Variants in CDH12 observed in about 807,000 individuals in gnomAD.
CDH12 encodes cadherin 12, also known as cadherin-12.
Under a neutral mutation model 74.1 loss-of-function variants are expected in CDH12, and 41 were observed. The ratio of observed to expected loss-of-function variants is 0.55; its 90% CI spans 0.43 to 0.72. The LOEUF is 0.72. Ranked by LOEUF, CDH12 falls within the 30% of genes least tolerant of loss-of-function variation. The pLI, the probability that CDH12 is intolerant of heterozygous loss-of-function variation, is 0.00. For missense variants in CDH12, 945 were observed against 977.2 expected (o/e 0.97, Z 0.44); for synonymous variants, 399 against 355.0 (o/e 1.12, Z -1.39).
chr5:22,363,585 G>T (rs535185498), intron 3 of CDH12, among the ~76,000 whole-genome samples: 1 of 152,242 alleles, frequency 6.6e-6, no homozygotes, highest in Admixed American at 6.5e-5. Context: ...TATTTAATAA[G>T]TTTTTCTTTC....
In CDH12 at chr5:21,847,837, T is replaced by G. The variant is rs1338199343; in HGVS notation, c.647-5509A>C. 3.3e-5 allele frequency among the ~76,000 whole-genome samples: 5 copies of G among 152,138 alleles called. No homozygotes were observed. In the South Asian group the frequency reaches 1.0e-3, roughly 32 times the overall value. ...TTCTCTAACATTCTCTCCTTAGTCT[T>G]TAAGCTATTGAAAACACTATATATT... On this transcript the variant is annotated intron_variant, in intron 7 of 14. Coordinates refer to ENST00000382254, the MANE Select transcript of CDH12 (RefSeq NM_004061.5).
chr5:22,327,792 T>A (rs1580527858), intron 3 of CDH12, among the ~76,000 whole-genome samples: 1 of 152,332 alleles, frequency 6.6e-6, no homozygotes, highest in East Asian at 1.9e-4. Flanking sequence ...TGACATGCTT[T>A]AAATTTTTAA....
intron 1 of CDH12, among the ~76,000 whole-genome samples, chr5:22,518,292 T>C (rs917675069): frequency 3.3e-5 from 5 of 152,252 alleles, no homozygotes; most frequent in African/African-American, 1.2e-4. Flanking sequence ...AATAATTTTA[T>C]GTGTTTCTCC....
chr5:21,930,801 A>C (rs767203087), intron 6 of CDH12, among the ~76,000 whole-genome samples: 4 of 152,220 alleles, frequency 2.6e-5, no homozygotes, highest in Admixed American at 6.5e-5. Context: ...ACAACTTCGT[A>C]TAATAAGAAC....
At chr5:22,537,587 C>T (rs1456621189) in intron 1 of CDH12, among the ~76,000 whole-genome samples, 2 of 152,266 alleles carry the variant, frequency 1.3e-5, no homozygotes, top group East Asian at 1.9e-4. Flanking sequence ...ATAACCTCCC[C>T]TCTGGCCGGA....
intron 6 of CDH12, among the ~76,000 whole-genome samples, chr5:21,973,828 T>C (rs1411108967): frequency 2.0e-5 from 3 of 152,210 alleles, no homozygotes; most frequent in Non-Finnish European, 4.4e-5. Flanking sequence ...GAATACTTTC[T>C]AACAAGATAT....
chr5:21,881,071 A>G (rs1752330798), intron 6 of CDH12, among the ~76,000 whole-genome samples: 1 of 152,288 alleles, frequency 6.6e-6, no homozygotes, highest in East Asian at 1.9e-4. Flanking sequence ...AGTGACCACT[A>G]TTTTAGCAGC....
chr5:22,687,885 C>G (rs1323888192), intron 1 of CDH12, among the ~76,000 whole-genome samples: 1 of 152,072 alleles, frequency 6.6e-6, no homozygotes, highest in African/African-American at 2.4e-5. Flanking sequence ...ACAGCAAATA[C>G]AGAAGGAGGT....
chr5:21,894,485 G>A (rs189821662), intron 6 of CDH12, among the ~76,000 whole-genome samples: 9 of 151,014 alleles, frequency 6.0e-5, no homozygotes, highest in African/African-American at 2.2e-4. Flanking sequence ...AAGTTATCAC[G>A]AGTATCCAAA....
chr5:22,779,778 C>T (rs1747294416), intron 1 of CDH12, among the ~76,000 whole-genome samples: 1 of 152,134 alleles, frequency 6.6e-6, no homozygotes, highest in Admixed American at 6.6e-5. Context: ...CCTGAGGCCT[C>T]CTCAGCCATG....
In CDH12 at chr5:22,034,963, C is replaced by T. The variant is rs1475145483; in HGVS notation, c.231+43483G>A. The stretch of plus-strand genomic sequence containing the variant: ...AAATCTACAACTTTAGGCAAAATGA[C>T]TTATGGTGAAACTGACTTTCTTCTC... On this transcript the variant is annotated intron_variant, in intron 5 of 14. Coordinates refer to ENST00000382254, the MANE Select transcript of CDH12 (RefSeq NM_004061.5). Among the ~76,000 whole-genome samples, 4 of 152,214 alleles carry T rather than the reference C, an allele frequency of 2.6e-5. No individual in the cohort carries two copies. The East Asian group carries it at 7.7e-4, about 29-fold the overall frequency.
intron 2 of CDH12, among the ~76,000 whole-genome samples, chr5:22,435,048 G>A (rs931381138): frequency 2.8e-4 from 43 of 152,138 alleles, no homozygotes; most frequent in Non-Finnish European, 7.3e-5. Flanking sequence ...ATTGAAGGAT[G>A]CAAAGTATTG....
chr5:22,599,993 A>T (rs914625075), intron 1 of CDH12, among the ~76,000 whole-genome samples: 1 of 152,138 alleles, frequency 6.6e-6, no homozygotes, highest in African/African-American at 2.4e-5. Flanking sequence ...TAATGAGCAC[A>T]CTATTAAAAT....
intron 1 of CDH12, among the ~76,000 whole-genome samples, chr5:22,820,191 T>C (rs1351742181): frequency 6.6e-6 from 1 of 151,744 alleles, no homozygotes; most frequent in East Asian, 1.9e-4. Flanking sequence ...TAAAAATAAT[T>C]GGAGTTCCAG....
chr5:22,751,813 C>T (rs553106114), intron 1 of CDH12, among the ~76,000 whole-genome samples: 2 of 152,250 alleles, frequency 1.3e-5, no homozygotes, highest in South Asian at 2.1e-4. Flanking sequence ...TGATAAGATG[C>T]TACCATACAT....
At chr5:22,079,716 C>T (rs978327170) in intron 4 of CDH12, among the ~76,000 whole-genome samples, 1 of 152,068 alleles carries the variant, frequency 6.6e-6, no homozygotes, top group Non-Finnish European at 1.5e-5. Context: ...GATAAAATGA[C>T]CTTTGAACTT....
intron 5 of CDH12, among the ~76,000 whole-genome samples, chr5:21,979,689 G>C (rs576939224): frequency 5.3e-5 from 8 of 152,162 alleles, no homozygotes; most frequent in Non-Finnish European, 8.8e-5. Flanking sequence ...TTGCCAGCCT[G>C]GGGTATGTTG....
At chr5:22,030,537 G>A (rs915211273) in intron 5 of CDH12, among the ~76,000 whole-genome samples, 3 of 152,160 alleles carry the variant, frequency 2.0e-5, no homozygotes, top group African/African-American at 7.2e-5. Flanking sequence ...CAGATGTGCT[G>A]TCATCCAGGG....
chr5:22,824,261 G>A (rs1374770767), intron 1 of CDH12, among the ~76,000 whole-genome samples: 1 of 151,922 alleles, frequency 6.6e-6, no homozygotes, highest in African/African-American at 2.4e-5. Flanking sequence ...GAAACTGAGT[G>A]TGTAACTGTC....
Sources: gnomAD v4.1 joint callset for allele counts (sites outside exome capture counted in the v4.1 genomes callset) on GRCh38, gnomAD v4.1.1 for gene constraint, MANE v1.5 for transcripts, NCBI Gene and HGNC (gene_info 2026-07-23, HGNC 2026-07-21) for gene names.